Variants in SOX6 observed in about 807,000 individuals in gnomAD.
The protein encoded by SOX6 is SRY-box transcription factor 6, also known as transcription factor SOX-6.
Under a neutral mutation model 97.8 loss-of-function variants are expected in SOX6, and 11 were observed. The ratio of observed to expected loss-of-function variants is 0.11; its 90% CI spans 0.07 to 0.19. The LOEUF is 0.19. Ranked by LOEUF, SOX6 falls within the 10% of genes least tolerant of loss-of-function variation. SOX6 has a pLI of 1.00. For synonymous variants in SOX6, 360 were observed against 371.4 expected (o/e 0.97, Z 0.35); for missense variants, 810 against 1,039.5 (o/e 0.78, Z 3.04).
At chr11:16,071,840 C>T (rs1393908647) in intron 9 of SOX6, among the ~76,000 whole-genome samples, 2 of 151,564 alleles carry the variant, frequency 1.3e-5, no homozygotes, top group African/African-American at 4.9e-5. Flanking sequence ...AAGACCCAGA[C>T]TAGAATCAAA....
exon 1 of SOX6, chr11:16,738,468 C>A (rs1421360967): frequency 2.2e-6 from 1 of 450,366 alleles, no homozygotes; most frequent in African/African-American, 2.0e-5. Context: ...CAGCCGAAGG[C>A]GGGGCCTCTG....
chr11:16,091,208 A>G (rs1332406393), intron 9 of SOX6, among the ~76,000 whole-genome samples: 2 of 152,124 alleles, frequency 1.3e-5, no homozygotes, highest in East Asian at 3.9e-4. Flanking sequence ...AAGGCTGATT[A>G]AGAGAAAAGC....
chr11:16,516,574 C>A (rs1447598834), intron 4 of SOX6, among the ~76,000 whole-genome samples: 5 of 151,966 alleles, frequency 3.3e-5, no homozygotes, highest in Admixed American at 6.6e-5. Context: ...ACTAGAAAAT[C>A]TAGAAGAAAT....
intron 1 of SOX6, among the ~76,000 whole-genome samples, chr11:16,345,726 T>A (rs1856759292): frequency 6.6e-6 from 1 of 152,102 alleles, no homozygotes; most frequent in African/African-American, 2.4e-5. Flanking sequence ...CTAGAACTTT[T>A]CTGATTTGAC....
intron 1 of SOX6, among the ~76,000 whole-genome samples, chr11:16,411,220 C>T (rs184635693): frequency 6.6e-6 from 1 of 152,174 alleles, no homozygotes; most frequent in Non-Finnish European, 1.5e-5. Flanking sequence ...AGTGTGCATG[C>T]TATTCCAAAT....
chr11:16,638,174 C>A (rs1440072967), intron 3 of SOX6, among the ~76,000 whole-genome samples: 1 of 151,030 alleles, frequency 6.6e-6, no homozygotes, highest in South Asian at 2.1e-4. Flanking sequence ...TTTGTCCTTG[C>A]GATAGTTTGC....
chr11:16,733,260 T>G (rs1848364533), intron 2 of SOX6, among the ~76,000 whole-genome samples: 1 of 152,140 alleles, frequency 6.6e-6, no homozygotes, highest in Non-Finnish European at 1.5e-5. Context: ...TCATTGTACT[T>G]TAAAGACAGA....
chr11:16,480,362 C>T (rs542481570), upstream of SOX6, among the ~76,000 whole-genome samples: 1 of 152,106 alleles, frequency 6.6e-6, no homozygotes, highest in East Asian at 1.9e-4. Context: ...GGATAACTTG[C>T]TATTAGTCTG....
At chr11:16,717,640 A>C (rs1848228223) in intron 2 of SOX6, among the ~76,000 whole-genome samples, 1 of 152,160 alleles carries the variant, frequency 6.6e-6, no homozygotes. Context: ...GTATTCAATT[A>C]CCGTATTAAA....
exon 1 of SOX6, chr11:16,738,462 C>T (rs1004621344): frequency 2.3e-6 from 1 of 440,836 alleles, no homozygotes; most frequent in East Asian, 4.0e-5. Flanking sequence ...CTCCACCAGC[C>T]GAAGGCGGGG....
chr11:16,427,805 T>C (rs1859178784), intron 1 of SOX6, among the ~76,000 whole-genome samples: 1 of 152,228 alleles, frequency 6.6e-6, no homozygotes, highest in Admixed American at 6.5e-5. Flanking sequence ...TGCATGTGTC[T>C]TTATAGCAGC....
At chr11:16,726,704 T>C (rs1848309014) in intron 2 of SOX6, among the ~76,000 whole-genome samples, 1 of 152,178 alleles carries the variant, frequency 6.6e-6, no homozygotes, top group East Asian at 1.9e-4. Context: ...GGTTCTAAAT[T>C]ATTCACAAAT....
chr11:16,199,997 A>G (rs1851890216), intron 4 of SOX6, among the ~76,000 whole-genome samples: 1 of 152,206 alleles, frequency 6.6e-6, no homozygotes, highest in Non-Finnish European at 1.5e-5. Flanking sequence ...TTATATGTCA[A>G]TACACTGGTA....
At chr11:16,542,932 C>T (rs1243151495) in intron 4 of SOX6, among the ~76,000 whole-genome samples, 3 of 151,930 alleles carry the variant, frequency 2.0e-5, no homozygotes, top group Non-Finnish European at 4.4e-5. Context: ...TTTATATTAT[C>T]CATAACTGGT....
At chr11:16,010,008 G>A (rs539821822) in intron 13 of SOX6, among the ~76,000 whole-genome samples, 8 of 151,828 alleles carry the variant, frequency 5.3e-5, no homozygotes, top group South Asian at 2.1e-4. Flanking sequence ...CATATTAAGC[G>A]GTGTGTTTTA....
intron 4 of SOX6, among the ~76,000 whole-genome samples, chr11:16,191,000 A>C (rs1388388476): frequency 1.3e-5 from 2 of 152,212 alleles, no homozygotes; most frequent in African/African-American, 4.8e-5. Flanking sequence ...ATCTTAAAAA[A>C]ATTAAACATG....
chr11:16,459,504 C>A lies in SOX6; in HGVS notation c.-5+16811G>T, dbSNP rs1385194429. On this transcript the variant is annotated intron_variant, in intron 1 of 15. Transcript: ENST00000396356. ...GGAAAATCAATCAATTGAAACTGAT[C>A]CAGAAATGACATAGATGATAAAACT... is the stretch of plus-strand genomic sequence containing the variant. Among the ~76,000 whole-genome samples the A allele has an allele frequency of 2.0e-5, 3 of 151,840 alleles. No homozygotes were observed. The East Asian group carries it at 5.8e-4, about 29-fold the overall frequency.
chr11:16,309,246 G>T (rs1323729453), intron 3 of SOX6, among the ~76,000 whole-genome samples: 1 of 152,194 alleles, frequency 6.6e-6, no homozygotes, highest in Non-Finnish European at 1.5e-5. Flanking sequence ...GTTTGCACCA[G>T]CAGAAAACTG....
In SOX6 at chr11:16,610,387, G is replaced by A. The variant is rs921539237; in HGVS notation, n.609+1694C>T. Among the ~76,000 whole-genome samples the A allele has an allele frequency of 6.6e-6, 1 of 152,150 alleles. No homozygotes were observed. The highest frequency in any genetic ancestry group is 1.5e-5 in the Non-Finnish European group (1 of 68,034). ...CAAGTTTGGCTTTCCAAATACTAGC[G>A]CGTCCGTCTCTTTAAATCACAGAGC... On this transcript the variant is annotated intron_variant and non_coding_transcript_variant, in intron 4 of 5. Coordinates refer to the SOX6 transcript ENST00000524520. This position sits in a 1 kb window ranked among gnomAD's most constrained non-coding sequence, Gnocchi z 4.4.
Sources: gnomAD v4.1 joint callset for allele counts (sites outside exome capture counted in the v4.1 genomes callset) on GRCh38, gnomAD v4.1.1 for gene constraint, Gnocchi (gnomAD v3.1) non-coding constraint, MANE v1.5 for transcripts, NCBI Gene and HGNC (gene_info 2026-07-23, HGNC 2026-07-21) for gene names.